CNTN3: variants seen among roughly 807,000 people sequenced by gnomAD.
CNTN3 encodes contactin 3.
In CNTN3, 60 loss-of-function variants were observed where a neutral mutation model predicts 119.1. The observed-to-expected ratio is 0.50, with a 90% confidence interval of 0.41 to 0.62. CNTN3 has a LOEUF of 0.62. Among genes scored for constraint, CNTN3 ranks in the 20% least tolerant of loss-of-function variants. The pLI is 0.00. For synonymous variants in CNTN3, 450 were observed against 438.7 expected, an observed-to-expected ratio of 1.03 and a Z score of -0.32; for missense variants, 1,101 against 1,242.4, an observed-to-expected ratio of 0.89 and a Z score of 1.71.
rs1355926432 is a variant in CNTN3, at chr3:74,589,445, A to C, written c.-81+24946T>G. Among the ~76,000 whole-genome samples, 67 of 147,588 alleles carry C rather than the reference A, an allele frequency of 4.5e-4. 1 individual carries two copies. The East Asian group carries it at 0.012, about 27-fold the overall frequency. Reference sequence around the variant, plus strand: ...CCAGTTAGAATGGCAATCATTAAAAAGTCAGGAAACAACAGGTGCTGGAGA... The same window carrying C: ...CCAGTTAGAATGGCAATCATTAAAACGTCAGGAAACAACAGGTGCTGGAGA... On this transcript the variant is annotated intron_variant, in intron 1 of 22. Transcript: ENST00000263665.
chr3:74,350,759 T>C (rs1324594830), intron 11 of CNTN3, among the ~76,000 whole-genome samples: 3 of 152,014 alleles, frequency 2.0e-5, no homozygotes, highest in Non-Finnish European at 4.4e-5. Flanking sequence ...AATGAAATCA[T>C]GTTATTGGCA....
In CNTN3 at chr3:74,560,941, C is replaced by G. The variant is rs538406172; in HGVS notation, c.-80-39749G>C. On this transcript the variant is annotated intron_variant, in intron 1 of 22. Transcript: ENST00000263665. The stretch of plus-strand genomic sequence containing the variant: ...TCGCAAGGACAAAAAAAACCAAACA[C>G]TGCACGTTCTCACTCATAGGTGGGA... 3.4e-5 allele frequency among the ~76,000 whole-genome samples: 5 copies of G among 147,342 alleles called. No individual in the cohort carries two copies. In the Admixed American group the frequency reaches 3.5e-4, roughly 10 times the overall value.
At chr3:74,460,826 ATTTC>A (rs1382786608) in intron 4 of CNTN3, among the ~76,000 whole-genome samples, 2 of 54,744 alleles carry the variant, frequency 3.7e-5, no homozygotes, top group Non-Finnish European at 7.3e-5. Flanking sequence ...TATGCCTTTC[ATTTC>A]TTTCTTTTTT....
chr3:74,313,132 G>C (rs1339040054), intron 13 of CNTN3, among the ~76,000 whole-genome samples: 1 of 151,346 alleles, frequency 6.6e-6, no homozygotes, highest in East Asian at 1.9e-4. Flanking sequence ...TTACAAAACA[G>C]AGAAAAACAG....
At chr3:74,426,173 G>C (rs1446192125) in intron 4 of CNTN3, among the ~76,000 whole-genome samples, 1 of 152,046 alleles carries the variant, frequency 6.6e-6, no homozygotes, top group Non-Finnish European at 1.5e-5. Flanking sequence ...AGTTCATAGG[G>C]AAAGAGGAAG....
intron 2 of CNTN3, among the ~76,000 whole-genome samples, chr3:74,518,185 C>T (rs934698209): frequency 6.6e-6 from 1 of 151,912 alleles, no homozygotes; most frequent in Non-Finnish European, 1.5e-5. Flanking sequence ...ATGCAGCTTA[C>T]AAAATATCCA....
intron 3 of CNTN3, among the ~76,000 whole-genome samples, chr3:74,487,076 T>C (rs547620346): frequency 6.6e-6 from 1 of 152,230 alleles, no homozygotes; most frequent in Non-Finnish European, 1.5e-5. Context: ...AGTGCTCAAC[T>C]ATCCATTTCA....
chr3:74,366,229 G>C (rs1180560117), intron 8 of CNTN3, among the ~76,000 whole-genome samples: 3 of 152,076 alleles, frequency 2.0e-5, no homozygotes, highest in African/African-American at 7.2e-5. Flanking sequence ...AGCATCTTAA[G>C]AACCTCTGAG....
At chr3:74,421,691 T>C (rs1262133830) in intron 5 of CNTN3, among the ~76,000 whole-genome samples, 1 of 152,168 alleles carries the variant, frequency 6.6e-6, no homozygotes, top group Non-Finnish European at 1.5e-5. Flanking sequence ...GGCAAGCACA[T>C]GTCCTGCAGG....
intron 1 of CNTN3, among the ~76,000 whole-genome samples, chr3:74,571,612 C>T (rs912798135): frequency 6.6e-6 from 1 of 152,076 alleles, no homozygotes; most frequent in African/African-American, 2.4e-5. Context: ...GGTATATGTT[C>T]ACAAAGTGGT....
chr3:74,333,836 G>A (rs934718686), intron 13 of CNTN3, among the ~76,000 whole-genome samples: 4 of 152,256 alleles, frequency 2.6e-5, no homozygotes, highest in African/African-American at 9.6e-5. Context: ...CAGTTGAGTT[G>A]ACCATCATAT....
At chr3:74,598,835 A>C (rs1704855826) in intron 1 of CNTN3, among the ~76,000 whole-genome samples, 1 of 152,030 alleles carries the variant, frequency 6.6e-6, no homozygotes, top group South Asian at 2.1e-4. Context: ...TGCTGGGCAC[A>C]GGTGACCAGC....
At chr3:74,490,821 G>A (rs995157668) in intron 3 of CNTN3, among the ~76,000 whole-genome samples, 4 of 152,252 alleles carry the variant, frequency 2.6e-5, no homozygotes, top group African/African-American at 9.6e-5. Context: ...CAAAGTATTA[G>A]TGTATTCACG....
At chr3:74,433,839 G>C (rs1388199968) in intron 4 of CNTN3, among the ~76,000 whole-genome samples, 1 of 152,120 alleles carries the variant, frequency 6.6e-6, no homozygotes, top group Non-Finnish European at 1.5e-5. Flanking sequence ...TGAAATTATT[G>C]CTGTTCTTTC....
intron 7 of CNTN3, 67 bp from the exon 8 acceptor site, chr3:74,369,440 T>C: frequency 7.6e-7 from 1 of 1,309,050 alleles, no homozygotes; most frequent in East Asian, 2.5e-5. Context: ...AAAATAAAGC[T>C]TTTAAGATTG....
chr3:74,335,000 G>T, intron 12 of CNTN3, 90 bp from the exon 13 acceptor site: 1 of 895,382 alleles, frequency 1.1e-6, no homozygotes, highest in Non-Finnish European at 1.7e-6. Context: ...CTTATACTGT[G>T]TATGTCTGTA....
chr3:74,546,697 G>A (rs553001121), intron 1 of CNTN3, among the ~76,000 whole-genome samples: 7 of 152,132 alleles, frequency 4.6e-5, no homozygotes, highest in Admixed American at 2.0e-4. Flanking sequence ...CACTGTCGGC[G>A]TCCCTACTTT....
intron 5 of CNTN3, among the ~76,000 whole-genome samples, chr3:74,392,333 TTTTC>T (rs1399182863): frequency 1.3e-5 from 2 of 152,140 alleles, no homozygotes; most frequent in African/African-American, 2.4e-5. Context: ...CCCTTTCCTG[TTTTC>T]TTTCTTTCTT....
intron 4 of CNTN3, among the ~76,000 whole-genome samples, chr3:74,454,820 A>G (rs57196750): frequency 0.012 from 1,832 of 152,234 alleles, 38 homozygotes; most frequent in African/African-American, 0.042. Context: ...TCTTTTAAGA[A>G]TGTTGAATAT....
Sources: gnomAD v4.1 joint callset for allele counts (sites outside exome capture counted in the v4.1 genomes callset) on GRCh38, gnomAD v4.1.1 for gene constraint, MANE v1.5 for transcripts, NCBI Gene and HGNC (gene_info 2026-07-23, HGNC 2026-07-21) for gene names.